Variants in MVB12A observed in about 807,000 individuals in gnomAD.
MVB12A encodes CIN85/CD2AP family binding protein.
A neutral mutation model predicts 34.3 loss-of-function variants in MVB12A; 30 were observed. That is an observed-to-expected ratio of 0.88 (90% CI 0.65 to 1.19). The LOEUF (loss-of-function observed/expected upper bound fraction) is 1.19, where lower values mean the gene tolerates loss of function less well. Among genes scored for constraint, MVB12A ranks in the 50% most tolerant of loss-of-function variants. The pLI is 0.00. For missense variants in MVB12A, 355 were observed against 369.2 expected (o/e 0.96, Z 0.31); for synonymous variants, 158 against 158.9 (o/e 0.99, Z 0.04).
upstream of MVB12A, chr19:17,419,821 A>C: frequency 9.2e-6 from 2 of 217,078 alleles, no homozygotes; most frequent in Admixed American, 5.9e-5. Context: ...CTTGCAGAGA[A>C]CGAGTCTCTT....
At chr19:17,424,498 G>A in intron 7 of MVB12A, 123 bp from the exon 8 acceptor site, 1 of 1,009,986 alleles carries the variant, frequency 9.9e-7, no homozygotes. Flanking sequence ...GAAAAATAAG[G>A]GGGAGGGATG....
At chr19:17,424,841 A>C in intron 8 of MVB12A, 90 bp from the exon 9 acceptor site, 2 of 1,211,350 alleles carry the variant, frequency 1.7e-6, no homozygotes, top group South Asian at 2.7e-5. Flanking sequence ...TCAAGTCCCT[A>C]AGTACCCACT....
At chr19:17,413,360 T>A (rs2074780629) in intron 2 of MVB12A, 1 of 151,992 alleles carries the variant, frequency 6.6e-6, no homozygotes, top group South Asian at 2.1e-4. Flanking sequence ...TAGCTGGACA[T>A]GGTGGCTGCG....
Position 17,422,355 on chromosome 19 carries a change from C to T in MVB12A, c.310C>T (p.Arg104Cys), listed in dbSNP as rs146357246. The change falls in exon 4 of 9, where the codon CGC becomes TGC. Residue 104 changes from arginine to cysteine, a missense_variant. Coordinates refer to ENST00000317040, the MANE Select transcript of MVB12A (RefSeq NM_138401.4). ...AGAGGCCTCTGTGTCCAAGAAGAAA[C>T]GCATGTGTGTGAAGCTGTTGCCCCT... ...DSKASVSKKK[R>C]MCVKLLPLGA... is the part of the protein sequence containing the mutation. The T allele has an allele frequency of 5.1e-5, 82 of 1,612,770 alleles. No homozygotes were observed. The highest frequency in any genetic ancestry group is 5.5e-5 in the South Asian group (5 of 90,958).
In MVB12A at chr19:17,422,376, C is replaced by T. The variant is rs2145762800; in HGVS notation, c.331C>T (p.Pro111Ser). 1 of 1,613,610 alleles carries T rather than the reference C, an allele frequency of 6.2e-7. No individual in the cohort carries two copies. The change falls in exon 4 of 9, where the codon CCC becomes TCC. Residue 111 changes from proline (P) to serine (S), a missense_variant. Transcript: ENST00000317040. ...KKKRMCVKLL[P>S]LGATDTAVFD... Reference sequence around the variant, plus strand: ...GAAACGCATGTGTGTGAAGCTGTTGCCCCTGGGAGCCACGGACACGGCTGT... The same window carrying T: ...GAAACGCATGTGTGTGAAGCTGTTGTCCCTGGGAGCCACGGACACGGCTGT...
rs911930387 is a variant in MVB12A, at chr19:17,423,862, C to T, written c.640+63C>T. The T allele has an allele frequency of 5.1e-6, 8 of 1,575,372 alleles. No individual in the cohort carries two copies. The African/African-American group carries it at 8.1e-5, about 16-fold the overall frequency. ...AGGGTGTGACTGTCTTGAGATTACA[C>T]AACCAGGAAGGATCTTCCTACTTCC... is the stretch of plus-strand genomic sequence containing the variant. On this transcript the variant is annotated intron_variant, in intron 6 of 8. Coordinates refer to ENST00000317040, the MANE Select transcript of MVB12A (RefSeq NM_138401.4).
At chr19:17,424,887 C>G (rs775664764) in intron 8 of MVB12A, 44 bp from the exon 9 acceptor site, 1 of 1,507,680 alleles carries the variant, frequency 6.6e-7, no homozygotes, top group Admixed American at 1.8e-5. Flanking sequence ...TTGGCCCTCT[C>G]TTTACTCTGG....
chr19:17,408,339 G>A (rs1168839380), intron 2 of MVB12A, among the ~76,000 whole-genome samples: 4 of 151,352 alleles, frequency 2.6e-5, no homozygotes, highest in Non-Finnish European at 5.9e-5. Flanking sequence ...CCAGTAGTTC[G>A]AGACCAGCCT....
At chr19:17,421,740 C>A (rs56229622) in intron 3 of MVB12A, among the ~76,000 whole-genome samples, 1 of 151,262 alleles carries the variant, frequency 6.6e-6, no homozygotes. Context: ...TCAGGAGTTC[C>A]AGACCAGCCT....
Position 17,420,065 on chromosome 19 carries a change from C to G in MVB12A, c.-71C>G, listed in dbSNP as rs1428293202. On this transcript the variant is annotated 5_prime_UTR_variant, in exon 1 of 9. Coordinates refer to ENST00000317040, the MANE Select transcript of MVB12A (RefSeq NM_138401.4). ...GGGAGTTGTAGTTCGGTCGCGAGCGCTGCCGTCGGGAGGCGCTCCGAGGTT... is the reference window on the plus strand; with the variant it reads ...GGGAGTTGTAGTTCGGTCGCGAGCGGTGCCGTCGGGAGGCGCTCCGAGGTT... 2.1e-6 allele frequency: 2 copies of G among 939,372 alleles called. No homozygotes were observed. Among genetic ancestry groups the G allele is most frequent in the Non-Finnish European group, 1.4e-6 (1 of 740,478 alleles). 58.2% of individuals were successfully genotyped at this position (939,372 alleles called of 1,614,324 possible).
chr19:17,422,410 T>G lies in MVB12A; in HGVS notation c.365T>G (p.Val122Gly). ...GCCACGGACACGGCTGTGTTTGATG[T>G]CCGGCTGAGTGGGAAGACCAAGACA... Reference protein sequence around the residue: ...LGATDTAVFDVRLSGKTKTVP... With the variant: ...LGATDTAVFDGRLSGKTKTVP... The change falls in exon 4 of 9, where the codon GTC becomes GGC. Residue 122 changes from valine (V) to glycine (G), a missense_variant. Val to Gly is a moderately radical substitution (Grantham distance 109). Coordinates refer to ENST00000317040, the MANE Select transcript of MVB12A (RefSeq NM_138401.4). 1 of 1,613,714 alleles carries G rather than the reference T, an allele frequency of 6.2e-7. No individual in the cohort carries two copies. Among genetic ancestry groups the G allele is most frequent in the Non-Finnish European group, 8.5e-7 (1 of 1,179,800 alleles).
chr19:17,423,840 G>T (rs367577742), intron 6 of MVB12A, 41 bp downstream of exon 6: 1 of 1,596,522 alleles, frequency 6.3e-7, no homozygotes, highest in African/African-American at 1.3e-5. Context: ...GAAGTGGAGG[G>T]TGTGACTGTC....
At chr19:17,424,899 A>C in intron 8 of MVB12A, 32 bp from the exon 9 acceptor site, 1 of 1,552,408 alleles carries the variant, frequency 6.4e-7, no homozygotes, top group Middle Eastern at 1.7e-4. Context: ...TTACTCTGGC[A>C]CCTGTTCACT....
At chr19:17,424,191 A>G in intron 7 of MVB12A, 124 bp downstream of exon 7, 2 of 921,544 alleles carry the variant, frequency 2.2e-6, no homozygotes, top group Non-Finnish European at 3.4e-6. Flanking sequence ...GGAGTGTGTC[A>G]CCTCCAGGTG....
Position 17,422,396 on chromosome 19 carries a change from G to A in MVB12A, c.351G>A (p.Thr117=), listed in dbSNP as rs780267791. ...TGTTGCCCCTGGGAGCCACGGACAC[G>A]GCTGTGTTTGATGTCCGGCTGAGTG... ...VKLLPLGATD[T]AVFDVRLSGK... is the part of the protein sequence containing the mutation. The change falls in exon 4 of 9, where the codon ACG becomes ACA. Residue 117 remains threonine (T), a synonymous_variant. Coordinates refer to ENST00000317040, the MANE Select transcript of MVB12A (RefSeq NM_138401.4). 7 of 1,613,618 alleles carry A rather than the reference G, an allele frequency of 4.3e-6. No individual in the cohort carries two copies. The highest frequency in any genetic ancestry group is 2.2e-5 in the East Asian group (1 of 44,868).
Position 17,425,052 on chromosome 19 carries a change from A to G in MVB12A, c.*59A>G. ...TCCACCTCCCCGCCAGCCTGGGGCC[A>G]CCCCCCCTCACTGCATCCTGGGGCC... On this transcript the variant is annotated 3_prime_UTR_variant, in exon 9 of 9. Transcript: ENST00000317040. 1 of 805,048 alleles carries G rather than the reference A, an allele frequency of 1.2e-6. No individual in the cohort carries two copies. Among genetic ancestry groups the G allele is most frequent in the Non-Finnish European group, 2.0e-6 (1 of 501,942 alleles). The allele number at this position is 805,048 out of a possible 1,614,324, so 49.9% of individuals were successfully genotyped here.
chr19:17,410,593 C>CATATATATATACACGTAT (rs1555734744), intron 2 of MVB12A, among the ~76,000 whole-genome samples: 2,925 of 125,988 alleles, frequency 0.023, 153 homozygotes, highest in African/African-American at 0.099. Flanking sequence ...TATATACACA[C>CATATATATATACACGTAT]ATATATATAT....
chr19:17,415,117 T>G (rs564903743), upstream of MVB12A: 21 of 144,864 alleles, frequency 1.4e-4, no homozygotes, highest in Admixed American at 6.2e-4. Flanking sequence ...TGCCTGACCT[T>G]GTTTTTTTAC....
chr19:17,418,960 C>T (rs1321750378), upstream of MVB12A: 2 of 148,840 alleles, frequency 1.3e-5, no homozygotes, highest in African/African-American at 4.9e-5. Context: ...ACCTTCTTGA[C>T]CCCTGACCAG....
Sources: gnomAD v4.1 joint callset for allele counts (sites outside exome capture counted in the v4.1 genomes callset) on GRCh38, gnomAD v4.1.1 for gene constraint, MANE v1.5 for transcripts, NCBI Gene and HGNC (gene_info 2026-07-23, HGNC 2026-07-21) for gene names.